DENND6A: variants seen among roughly 807,000 people sequenced by gnomAD.
DENND6A encodes the protein DENN domain containing 6A.
Under a neutral mutation model 95.5 loss-of-function variants are expected in DENND6A, and 43 were observed. The ratio of observed to expected loss-of-function variants is 0.45; its 90% CI spans 0.35 to 0.58. The LOEUF (loss-of-function observed/expected upper bound fraction) is 0.58, where lower values mean the gene tolerates loss of function less well. Among genes scored for constraint, DENND6A ranks in the 20% least tolerant of loss-of-function variants. The pLI is 0.00. For missense variants in DENND6A, 574 were observed against 736.0 expected (o/e 0.78, Z 2.55); for synonymous variants, 257 against 260.4 (o/e 0.99, Z 0.13).
chr3:57,664,676 T>C (rs1369572347), intron 4 of DENND6A, among the ~76,000 whole-genome samples: 1 of 152,024 alleles, frequency 6.6e-6, no homozygotes, highest in Non-Finnish European at 1.5e-5. Context: ...CTACTAAAAA[T>C]ACAAAAATTA....
chr3:57,650,634 T>G (rs953851354), intron 9 of DENND6A, among the ~76,000 whole-genome samples: 23 of 152,132 alleles, frequency 1.5e-4, no homozygotes, highest in African/African-American at 5.6e-4. Context: ...TACAAGATGA[T>G]CTGGAACCCA....
chr3:57,648,571 CA>C (rs2071128470), intron 9 of DENND6A, among the ~76,000 whole-genome samples: 1 of 152,046 alleles, frequency 6.6e-6, no homozygotes, highest in East Asian at 1.9e-4. Flanking sequence ...TAAGACTAAG[CA>C]AAAAGAACAA....
intron 1 of DENND6A, among the ~76,000 whole-genome samples, chr3:57,682,578 G>A (rs903772698): frequency 6.6e-5 from 10 of 152,012 alleles, no homozygotes; most frequent in African/African-American, 2.4e-4. Flanking sequence ...TATATAAGCT[G>A]AAATTTTAAA....
chr3:57,645,610 A>C (rs1421942761), intron 11 of DENND6A, 51 bp downstream of exon 11: 6 of 1,350,866 alleles, frequency 4.4e-6, no homozygotes, highest in South Asian at 1.3e-5. Flanking sequence ...AATTCTACAC[A>C]ATTTTGGTTA....
At position 57,630,814 on chromosome 3, in the gene DENND6A, T is replaced by C; in HGVS notation, c.1418A>G (p.Gln473Arg). ...TTCTTCTGGAAGAAACTGTCTTAAT[T>C]GAGGTGGACTCTAGAAAACAGGACA... ...KSISPWKSPP[Q>R]LRQFLPEEFM... Residue 473 changes from glutamine to arginine, a missense_variant, in exon 17 of 20, where the codon CAA (glutamine) becomes CGA (arginine). Around this residue, in one of 2 missense-constraint regions of DENND6A, gnomAD observed 452 missense variants for 630.9 expected, o/e 0.72. Coordinates refer to ENST00000311128, the MANE Select transcript of DENND6A (RefSeq NM_152678.3). The C allele has an allele frequency of 6.2e-7, 1 of 1,613,778 alleles. No homozygotes were observed. The highest frequency in any genetic ancestry group is 8.5e-7 in the Non-Finnish European group (1 of 1,179,896).
rs200689861 is a variant in DENND6A, at chr3:57,634,510, C to T, written c.1263+48G>A. On this transcript the variant is annotated intron_variant, in intron 14 of 19. Coordinates refer to ENST00000311128, the MANE Select transcript of DENND6A (RefSeq NM_152678.3). ...GGACATATTGCGTAACTGGATATTA[C>T]ATACCTGAACAAGGAAATTTAAATT... The T allele has an allele frequency of 1.0e-4, 109 of 1,058,288 alleles. 1 individual carries two copies. The East Asian group carries it at 3.0e-3, about 30-fold the overall frequency. 65.6% of individuals were successfully genotyped at this position (1,058,288 alleles called of 1,614,324 possible).
rs559739929 is a variant in DENND6A at position 57,669,382 on chromosome 3, T to C, written c.319+2874A>G. Among the ~76,000 whole-genome samples the C allele has an allele frequency of 3.5e-4, 54 of 152,196 alleles. No homozygotes were observed. The Middle Eastern group carries it at 0.01, about 29-fold the overall frequency. The stretch of plus-strand genomic sequence containing the variant: ...CAAGTCACAAGAACCACACTTCATT[T>C]GATGTGCAGCACATAAAAAAAGCAT... On this transcript the variant is annotated intron_variant, in intron 3 of 19. Coordinates refer to ENST00000311128, the MANE Select transcript of DENND6A (RefSeq NM_152678.3).
At chr3:57,688,287 C>T (rs2077229493) in intron 1 of DENND6A, among the ~76,000 whole-genome samples, 1 of 152,088 alleles carries the variant, frequency 6.6e-6, no homozygotes. Context: ...TGAGCCACCA[C>T]ACTCGGCTTA....
chr3:57,627,758 AAGCATC>A lies in DENND6A; in HGVS notation c.*450_*455del, dbSNP rs1334616305. On this transcript the variant is annotated 3_prime_UTR_variant, in exon 20 of 20. Coordinates refer to ENST00000311128, the MANE Select transcript of DENND6A (RefSeq NM_152678.3). ...TGTAGGACAACAGAAGGCACTACATAAGCATCAATTCCTTCTAACCATAGGACAGTT... is the reference window on the plus strand; with the variant it reads ...TGTAGGACAACAGAAGGCACTACATAAATTCCTTCTAACCATAGGACAGTT... The A allele has an allele frequency of 6.5e-6, 1 of 154,710 alleles. No homozygotes were observed. Among genetic ancestry groups the A allele is most frequent in the Non-Finnish European group, 1.4e-5 (1 of 69,324 alleles). The allele number at this position is 154,710 out of a possible 1,614,324, so 9.6% of individuals were successfully genotyped here. A position where few individuals can be genotyped will look rare whatever the true frequency, so the allele number is the denominator to read the frequency against.
In DENND6A at chr3:57,634,698, C is replaced by A; in HGVS notation, c.1198+6G>T. ...TATATATTTAAAAATCAATAAAAGTCAATACCAGGTTTGGAATCCAGAGTC... is the reference window on the plus strand; with the variant it reads ...TATATATTTAAAAATCAATAAAAGTAAATACCAGGTTTGGAATCCAGAGTC... On this transcript the variant is annotated splice_donor_region_variant and intron_variant, in intron 13 of 19. Transcript: ENST00000311128. The A allele has an allele frequency of 1.3e-6, 2 of 1,538,150 alleles. No individual in the cohort carries two copies. Among genetic ancestry groups the A allele is most frequent in the South Asian group, 2.6e-5 (2 of 77,916 alleles).
chr3:57,671,911 T>C (rs948667317), intron 3 of DENND6A, among the ~76,000 whole-genome samples: 2 of 152,228 alleles, frequency 1.3e-5, no homozygotes, highest in African/African-American at 4.8e-5. Flanking sequence ...GAGTTCCTGG[T>C]AAGCTCCCAA....
At chr3:57,678,101 T>TA (rs934559299) in intron 1 of DENND6A, among the ~76,000 whole-genome samples, 15 of 152,110 alleles carry the variant, frequency 9.9e-5, no homozygotes, top group African/African-American at 2.9e-4. Flanking sequence ...GATTCTTTTT[T>TA]AAAAAAAAGA....
chr3:57,630,628 T>A, intron 17 of DENND6A, 87 bp downstream of exon 17: 2 of 1,531,634 alleles, frequency 1.3e-6, no homozygotes, highest in Non-Finnish European at 1.8e-6. Context: ...TAGAATTTTT[T>A]AAAAAGAATA....
intron 7 of DENND6A, among the ~76,000 whole-genome samples, chr3:57,660,491 A>G (rs960650406): frequency 1.3e-5 from 2 of 152,140 alleles, no homozygotes; most frequent in African/African-American, 4.8e-5. Context: ...CCTGTCCAAA[A>G]GTTCTTTAAA....
At chr3:57,649,848 C>T (rs1438673424) in intron 9 of DENND6A, among the ~76,000 whole-genome samples, 2 of 143,228 alleles carry the variant, frequency 1.4e-5, no homozygotes, top group Non-Finnish European at 3.0e-5. Context: ...ATTCAGGTTA[C>T]TCTATCCCAC....
At chr3:57,690,567 C>A (rs762760113) in intron 1 of DENND6A, among the ~76,000 whole-genome samples, 27 of 151,770 alleles carry the variant, frequency 1.8e-4, no homozygotes, top group Non-Finnish European at 3.5e-4. Flanking sequence ...ACCTGTAGTC[C>A]CAGCTACTTG....
At chr3:57,656,486 G>A (rs2071328850) in intron 9 of DENND6A, among the ~76,000 whole-genome samples, 1 of 151,988 alleles carries the variant, frequency 6.6e-6, no homozygotes, top group African/African-American at 2.4e-5. Context: ...CTACTATATA[G>A]ACATTTGCAT....
intron 1 of DENND6A, among the ~76,000 whole-genome samples, chr3:57,674,802 T>C (rs1158164820): frequency 1.3e-5 from 2 of 152,170 alleles, no homozygotes; most frequent in African/African-American, 2.4e-5. Flanking sequence ...AAAAAAAGAA[T>C]GGGATCATGT....
Position 57,657,689 on chromosome 3 carries a change from T to A in DENND6A, c.809A>T (p.Asp270Val). The A allele has an allele frequency of 6.3e-7, 1 of 1,575,022 alleles. No individual in the cohort carries two copies. The highest frequency in any genetic ancestry group is 1.4e-5 in the African/African-American group (1 of 73,778). ...ATTTTTTATTCTTTACCTGAAAATA[T>A]CCACCTCATGAACAGTAGGTAAAAT... The part of the protein sequence containing the change: ...SVILPTVHEV[D>V]IFRCFCPVFL... Residue 270 changes from aspartate (D) to valine (V), a missense_variant, in exon 9 of 20, where the codon GAT (aspartate) becomes GTT (valine). Asp to Val is a radical substitution (Grantham distance 152). Coordinates refer to ENST00000311128, the MANE Select transcript of DENND6A (RefSeq NM_152678.3).
Sources: gnomAD v4.1 joint callset for allele counts (sites outside exome capture counted in the v4.1 genomes callset) on GRCh38, gnomAD v4.1.1 for gene constraint, gnomAD v4.1.1 regional missense constraint, MANE v1.5 for transcripts, NCBI Gene and HGNC (gene_info 2026-07-23, HGNC 2026-07-21) for gene names.